The following AGPS variants were observed in gnomAD, a reference collection of about 807,000 sequenced individuals.
AGPS encodes the protein alkyldihydroxyacetonephosphate synthase, peroxisomal.
AGPS carries 26 observed loss-of-function variants against 90.7 expected under a neutral mutation model. The observed-to-expected ratio is 0.29, with a 90% CI of 0.21 to 0.40. AGPS has a LOEUF of 0.40. AGPS is among the 10% of genes least tolerant of loss of function. AGPS has a pLI of 1.00. For missense variants in AGPS, 540 were observed against 816.1 expected (o/e 0.66, Z 4.12); for synonymous variants, 294 against 285.3 (o/e 1.03, Z -0.31).
intron 19 of AGPS, among the ~76,000 whole-genome samples, chr2:177,524,954 G>A (rs1559084288): frequency 6.6e-6 from 1 of 152,196 alleles, no homozygotes; most frequent in Non-Finnish European, 1.5e-5. Flanking sequence ...CAACGTCATT[G>A]TGTCAATTTA....
At chr2:177,419,845 A>G (rs1685895064) in intron 1 of AGPS, among the ~76,000 whole-genome samples, 1 of 151,764 alleles carries the variant, frequency 6.6e-6, no homozygotes, top group African/African-American at 2.4e-5. Flanking sequence ...GTCTTTTTTT[A>G]AAAATCGTAG....
chr2:177,538,051 C>T, intron 19 of AGPS, 23 bp from the exon 20 acceptor site: 1 of 1,612,440 alleles, frequency 6.2e-7, no homozygotes, highest in Non-Finnish European at 8.5e-7. Flanking sequence ...TATATTGAAG[C>T]ATTTTTGATT....
rs769374796 is a variant in AGPS at position 177,499,634 on chromosome 2, C to G, written c.1379C>G (p.Pro460Arg). Residue 460 changes from proline (P) to arginine (R), a missense_variant, in exon 14 of 20, where the codon CCA becomes CGA. Pro to Arg is a moderately radical substitution (Grantham distance 103). Around this residue, in one of 2 missense-constraint regions of AGPS, gnomAD observed 405 missense variants for 692.1 expected, o/e 0.59. Transcript: ENST00000264167. ...TTTTTGTAGTTTAAAGGATTTGACC[C>G]AAATCAGCTAAGTGTAGCCACATTA... ...FYITKFKGFDPNQLSVATLLF... is the reference protein window; with the variant it reads ...FYITKFKGFDRNQLSVATLLF... 1.2e-6 allele frequency: 2 copies of G among 1,608,738 alleles called. No individual in the cohort carries two copies. Among genetic ancestry groups the G allele is most frequent in the Admixed American group, 1.7e-5 (1 of 59,884 alleles).
chr2:177,457,799 A>G (rs548715222), intron 8 of AGPS, among the ~76,000 whole-genome samples: 1 of 152,352 alleles, frequency 6.6e-6, no homozygotes, highest in African/African-American at 2.4e-5. Context: ...TATTCCAAAC[A>G]ATAGAAAAAG....
intron 1 of AGPS, among the ~76,000 whole-genome samples, chr2:177,403,796 G>A (rs1685392876): frequency 6.6e-6 from 1 of 152,066 alleles, no homozygotes; most frequent in Non-Finnish European, 1.5e-5. Context: ...AAATAATAAT[G>A]TGTAAAATCA....
Position 177,493,162 on chromosome 2 carries a change from A to T in AGPS, c.1248A>T (p.Ala416=), listed in dbSNP as rs1688317424. The change falls in exon 12 of 20, where the codon GCA becomes GCT. Residue 416 remains alanine (A), a synonymous_variant. Coordinates refer to ENST00000264167, the MANE Select transcript of AGPS (RefSeq NM_003659.4). ...TTTTAAAACAGAGATGTGCTCCGGCATCTATTCGCCTCATGGACAACAAGC... is the reference window on the plus strand; with the variant it reads ...TTTTAAAACAGAGATGTGCTCCGGCTTCTATTCGCCTCATGGACAACAAGC... The part of the protein sequence containing the change: ...REIAKQRCAP[A]SIRLMDNKQF... The T allele has an allele frequency of 6.2e-7, 1 of 1,613,378 alleles. No homozygotes were observed. The highest frequency in any genetic ancestry group is 8.5e-7 in the Non-Finnish European group (1 of 1,179,696).
chr2:177,531,461 A>G (rs1323287368), intron 19 of AGPS, among the ~76,000 whole-genome samples: 1 of 152,200 alleles, frequency 6.6e-6, no homozygotes, highest in East Asian at 1.9e-4. Context: ...TTGTATTCTG[A>G]AAATTACAGA....
chr2:177,502,579 G>A (rs771318861), intron 14 of AGPS, among the ~76,000 whole-genome samples: 2 of 151,598 alleles, frequency 1.3e-5, no homozygotes, highest in Non-Finnish European at 2.9e-5. Flanking sequence ...ACCATGCCTG[G>A]CTAATTTTTG....
intron 17 of AGPS, among the ~76,000 whole-genome samples, chr2:177,520,502 G>A (rs534033433): frequency 6.6e-6 from 1 of 151,726 alleles, no homozygotes; most frequent in South Asian, 2.1e-4. Flanking sequence ...CTTTTTCAAG[G>A]GGCAGATGTT....
chr2:177,506,067 C>T (rs564200232), intron 15 of AGPS, among the ~76,000 whole-genome samples: 76 of 151,878 alleles, frequency 5.0e-4, no homozygotes, highest in African/African-American at 1.8e-3. Context: ...TTTCTACTTA[C>T]GATATACTGA....
At chr2:177,455,778 G>GTT (rs34738213) in intron 8 of AGPS, among the ~76,000 whole-genome samples, 3 of 146,810 alleles carry the variant, frequency 2.0e-5, no homozygotes, top group African/African-American at 7.7e-5. Flanking sequence ...TATTTCTCCT[G>GTT]TTTTTTTTTT....
At position 177,448,845 on chromosome 2, in the gene AGPS, A is replaced by G. The variant is rs190146656; in HGVS notation, c.870+3219A>G. ...TAATCCTTTCCCACTCCCACCCACA[A>G]CCCTTAAGCAACCCCCCAGGAATCA... On this transcript the variant is annotated intron_variant, in intron 8 of 19. Coordinates refer to ENST00000264167, the MANE Select transcript of AGPS (RefSeq NM_003659.4). 2.5e-3 allele frequency among the ~76,000 whole-genome samples: 373 copies of G among 152,038 alleles called. 3 individuals carry two copies. Among genetic ancestry groups the G allele is most frequent in the Non-Finnish European group, 4.2e-3 (287 of 67,968 alleles).
At chr2:177,397,972 C>T (rs1465382927) in intron 1 of AGPS, among the ~76,000 whole-genome samples, 1 of 152,116 alleles carries the variant, frequency 6.6e-6, no homozygotes, top group Non-Finnish European at 1.5e-5. Flanking sequence ...GCAGAGGTTG[C>T]AGTGAGCTGA....
chr2:177,431,668 C>T (rs926961135), intron 2 of AGPS, among the ~76,000 whole-genome samples: 2 of 152,164 alleles, frequency 1.3e-5, no homozygotes, highest in Non-Finnish European at 2.9e-5. Flanking sequence ...CGATATCTCT[C>T]CTGCTTTCAC....
chr2:177,504,379 CACT>C (rs1165218083), intron 14 of AGPS, among the ~76,000 whole-genome samples: 2 of 152,162 alleles, frequency 1.3e-5, no homozygotes, highest in Non-Finnish European at 2.9e-5. Flanking sequence ...CTCTTCTTCT[CACT>C]TTCAGCTGCT....
intron 5 of AGPS, among the ~76,000 whole-genome samples, chr2:177,440,349 A>T (rs1047833429): frequency 4.6e-5 from 7 of 152,250 alleles, no homozygotes; most frequent in Admixed American, 6.5e-5. Flanking sequence ...ATGTGCCTCT[A>T]GATGTAATGC....
At chr2:177,529,073 T>A (rs1264456030) in intron 19 of AGPS, among the ~76,000 whole-genome samples, 1 of 151,916 alleles carries the variant, frequency 6.6e-6, no homozygotes, top group Non-Finnish European at 1.5e-5. Flanking sequence ...GCCAGGCTGG[T>A]CTTGAACTCC....
intron 1 of AGPS, among the ~76,000 whole-genome samples, chr2:177,412,064 A>G (rs1369344200): frequency 6.6e-6 from 1 of 152,190 alleles, no homozygotes; most frequent in African/African-American, 2.4e-5. Context: ...CACTGGGTTG[A>G]TAGCCTAGAT....
At chr2:177,489,918 G>C (rs1248843345) in intron 11 of AGPS, among the ~76,000 whole-genome samples, 1 of 152,072 alleles carries the variant, frequency 6.6e-6, no homozygotes, top group Non-Finnish European at 1.5e-5. Context: ...TTAACTCAAG[G>C]ACCTTTTTCC....
Sources: allele counts gnomAD v4.1 joint callset (sites outside exome capture counted in the v4.1 genomes callset), GRCh38; gene constraint gnomAD v4.1.1; regional missense constraint gnomAD v4.1.1; transcripts MANE v1.5; gene names NCBI Gene and HGNC (gene_info 2026-07-23, HGNC 2026-07-21).